The following NOTCH3 variants were observed in gnomAD, a reference collection of about 807,000 sequenced individuals.
NOTCH3 encodes notch receptor 3.
A neutral mutation model predicts 213.3 loss-of-function variants in NOTCH3; 86 were observed. The observed-to-expected ratio is 0.40, with a 90% CI of 0.34 to 0.48. NOTCH3 has a LOEUF of 0.48. NOTCH3 is among the 20% of genes least tolerant of loss of function. The pLI is 0.57. For missense variants in NOTCH3, 2,783 were observed against 3,272.6 expected, an observed-to-expected ratio of 0.85 and a Z score of 3.65; for synonymous variants, 1,354 against 1,355.9, an observed-to-expected ratio of 1.00 and a Z score of 0.03.
At chr19:15,180,596 C>T in intron 19 of NOTCH3, 85 bp downstream of exon 19, 2 of 1,468,790 alleles carry the variant, frequency 1.4e-6, no homozygotes. Context: ...CTCTGTGGCA[C>T]CCCCATTCGG....
At chr19:15,169,223 T>C (rs1057096800) in intron 28 of NOTCH3, among the ~76,000 whole-genome samples, 10 of 87,356 alleles carry the variant, frequency 1.1e-4, no homozygotes, top group African/African-American at 4.4e-4. Flanking sequence ...TCTCTCTCTC[T>C]CTCTCTCCCC....
At position 15,160,000 on chromosome 19, in the gene NOTCH3, G is replaced by A. The variant is rs1010033771; in HGVS notation, c.*662C>T. ...AAGGCTATGGAACATGTCCCATCTG[G>A]AATGCAGTGAAGTGAGGGAGGTGGG... On this transcript the variant is annotated 3_prime_UTR_variant, in exon 33 of 33. Transcript: ENST00000263388. The A allele has an allele frequency of 1.3e-5, 3 of 232,930 alleles. No homozygotes were observed. The highest frequency in any genetic ancestry group is 6.6e-5 in the African/African-American group (3 of 45,288). 14.4% of individuals were successfully genotyped at this position (232,930 alleles called of 1,614,324 possible).
At chr19:15,197,441 G>GGGCCCCCCCCCCC in intron 2 of NOTCH3, 59 bp downstream of exon 2, 7 of 768,356 alleles carry the variant, frequency 9.1e-6, no homozygotes, top group Middle Eastern at 2.8e-4. Context: ...AAGACAAATC[G>GGGCCCCCCCCCCC]CCCCTCCCCC....
At chr19:15,178,477 C>A (rs2046811002) in intron 23 of NOTCH3, 2 of 444,742 alleles carry the variant, frequency 4.5e-6, no homozygotes, top group Non-Finnish European at 8.4e-6. Context: ...CTCCGCCTCC[C>A]GGGTTCAAGT....
intron 1 of NOTCH3, among the ~76,000 whole-genome samples, chr19:15,199,146 T>G (rs1339878000): frequency 1.3e-5 from 2 of 152,218 alleles, no homozygotes; most frequent in East Asian, 3.8e-4. Context: ...GAGCCACATG[T>G]GTGTGCGTGC....
Position 15,160,924 on chromosome 19 carries a change from A to G in NOTCH3, c.6704T>C (p.Phe2235Ser). 1 of 1,605,428 alleles carries G rather than the reference A, an allele frequency of 6.2e-7. No homozygotes were observed. Among genetic ancestry groups the G allele is most frequent in the South Asian group, 1.1e-5 (1 of 90,528 alleles). Residue 2235 changes from phenylalanine (F) to serine (S), a missense_variant, in exon 33 of 33, where the codon TTC (phenylalanine) becomes TCC (serine). Around this residue, in one of 6 missense-constraint regions of NOTCH3, gnomAD observed 441 missense variants for 432.1 expected, o/e 1.02. Coordinates refer to ENST00000263388, the MANE Select transcript of NOTCH3 (RefSeq NM_000435.3). ...AGGGTGCTCACTGGGAACCCGCAGG[A>G]AGCGGGCCTTTGGGGGGCTGCTGTG... ...GAHSSPPKAR[F>S]LRVPSEHPYL...
At chr19:15,176,981 A>G (rs1599377792) in intron 24 of NOTCH3, among the ~76,000 whole-genome samples, 2 of 149,708 alleles carry the variant, frequency 1.3e-5, no homozygotes, top group Admixed American at 6.7e-5. Flanking sequence ...CTGAGGCAGG[A>G]GAATCGCTTG....
intron 24 of NOTCH3, among the ~76,000 whole-genome samples, chr19:15,177,251 G>GA (rs1555727291): frequency 5.3e-3 from 614 of 116,004 alleles, no homozygotes; most frequent in Middle Eastern, 0.016. Flanking sequence ...TCCATCTCGG[G>GA]AAAAAAAAAA....
intron 28 of NOTCH3, among the ~76,000 whole-genome samples, chr19:15,169,141 A>T (rs1328702716): frequency 2.6e-5 from 4 of 151,676 alleles, no homozygotes; most frequent in Non-Finnish European, 5.9e-5. Flanking sequence ...ACCCTAATCC[A>T]ATAGGATTGG....
chr19:15,165,886 C>T lies in NOTCH3; in HGVS notation c.5568G>A (p.Lys1856=). 2 of 1,614,100 alleles carry T rather than the reference C, an allele frequency of 1.2e-6. No individual in the cohort carries two copies. The highest frequency in any genetic ancestry group is 1.7e-6 in the Non-Finnish European group (2 of 1,179,978). Reference sequence around the variant, plus strand: ...TGTCTGCCCCAGCATCCAGCAGCCGCTTGGCTGCATCAGCACGGGCATAAC... The same window carrying T: ...TGTCTGCCCCAGCATCCAGCAGCCGTTTGGCTGCATCAGCACGGGCATAAC... ...AARYARADAA[K]RLLDAGADTN... The change falls in exon 30 of 33, where the codon AAG becomes AAA. Residue 1856 remains lysine (K), a synonymous_variant. Transcript: ENST00000263388. This position sits in a 1 kb window ranked among gnomAD's most constrained non-coding sequence, Gnocchi z 4.7.
chr19:15,185,675 G>T lies in NOTCH3; in HGVS notation c.1956C>A (p.Pro652=). 6.2e-7 allele frequency: 1 copy of T among 1,613,112 alleles called. No individual in the cohort carries two copies. The highest frequency in any genetic ancestry group is 8.5e-7 in the Non-Finnish European group (1 of 1,179,996). ...ACTCATTGATCTCCACGTTACAAAG[G>T]GGCCCTGGGGAGTACACAAGCAATC... is the stretch of plus-strand genomic sequence containing the variant. ...DCVCQPGFTG[P]LCNVEINECA... is the part of the protein sequence containing the mutation. Residue 652 remains proline (P), a synonymous_variant, in exon 13 of 33, where the codon CCC becomes CCA. Transcript: ENST00000263388. The surrounding 1 kb of genome is among the most constrained non-coding windows in gnomAD (Gnocchi z 4.2).
rs142778401 is a variant in NOTCH3, at chr19:15,192,103, C to A, written c.536G>T (p.Gly179Val). 5.8e-5 allele frequency: 94 copies of A among 1,613,152 alleles called. No homozygotes were observed. The African/African-American group carries it at 1.2e-3, about 21-fold the overall frequency. The change falls in exon 4 of 33, where the codon GGC (glycine) becomes GTC (valine). Residue 179 changes from glycine to valine, a missense_variant. This residue lies in a region of NOTCH3 where 708 missense variants were observed against 906.6 expected (regional missense o/e 0.78). Transcript: ENST00000263388. The part of the protein sequence containing the change: ...RHGGTCLNTP[G>V]SFRCQCPAGY... Reference sequence around the variant, plus strand: ...AGCTGGACACTGGCAGCGGAAGGAGCCAGGTGTGTTGAGGCAGGTGCCACC... The same window carrying A: ...AGCTGGACACTGGCAGCGGAAGGAGACAGGTGTGTTGAGGCAGGTGCCACC...
chr19:15,180,052 C>G lies in NOTCH3; in HGVS notation c.3327+20G>C. ...AGCATGCCCACCTCCTCTTCCCTCT[C>G]CTGGGGAGCGCCCCCTTACCTCACA... On this transcript the variant is annotated intron_variant, in intron 20 of 32. Coordinates refer to ENST00000263388, the MANE Select transcript of NOTCH3 (RefSeq NM_000435.3). The G allele has an allele frequency of 6.4e-7, 1 of 1,571,970 alleles. No individual in the cohort carries two copies.
intron 31 of NOTCH3, among the ~76,000 whole-genome samples, chr19:15,163,538 T>C (rs896362016): frequency 4.6e-5 from 7 of 152,150 alleles, no homozygotes; most frequent in African/African-American, 1.7e-4. Context: ...ATGATCAAAA[T>C]TGAAACTTTT....
At chr19:15,180,600 C>T in intron 19 of NOTCH3, 81 bp downstream of exon 19, 1 of 1,482,852 alleles carries the variant, frequency 6.7e-7, no homozygotes, top group Non-Finnish European at 9.1e-7. Flanking sequence ...GTGGCACCCC[C>T]ATTCGGCTCA....
chr19:15,192,398 G>C lies in NOTCH3; in HGVS notation c.319C>G (p.Arg107Gly), dbSNP rs768965053. 4 of 1,612,906 alleles carry C rather than the reference G, an allele frequency of 2.5e-6. No homozygotes were observed. Among genetic ancestry groups the C allele is most frequent in the South Asian group, 1.1e-5 (1 of 91,072 alleles). ...TCACCTCGGAAGCCACGGGGGCACC[G>C]GCATGAGAATCGGGCGGTGCCAGCC... ...VVAGTARFSC[R>G]CPRGFRGPDC... Residue 107 changes from arginine to glycine, a missense_variant, in exon 3 of 33, where the codon CGG becomes GGG. By Grantham distance (125) the Arg-to-Gly change is moderately radical. Transcript: ENST00000263388.
At position 15,192,024 on chromosome 19, in the gene NOTCH3, T is replaced by C. The variant is rs1305679321; in HGVS notation, c.615A>G (p.Pro205=). Residue 205 remains proline, a synonymous_variant, in exon 4 of 33, where the codon CCA becomes CCG. Transcript: ENST00000263388. ...ENPAVPCAPS[P]CRNGGTCRQS... is the part of the protein sequence containing the mutation. ...GCCTGCAGGTGCCCCCGTTACGGCA[T>C]GGTGAGGGTGCACAGGGCACCGCGG... 1.2e-6 allele frequency: 2 copies of C among 1,613,184 alleles called. No individual in the cohort carries two copies. The highest frequency in any genetic ancestry group is 1.7e-6 in the Non-Finnish European group (2 of 1,179,952).
intron 1 of NOTCH3, among the ~76,000 whole-genome samples, chr19:15,199,028 C>G (rs2046990802): frequency 6.6e-6 from 1 of 152,184 alleles, no homozygotes; most frequent in South Asian, 2.1e-4. Context: ...CCTCACAGGA[C>G]AAGCCGACTG....
In NOTCH3 at chr19:15,192,228, C is replaced by A; in HGVS notation, c.411G>T (p.Gly137=). The A allele has an allele frequency of 1.9e-6, 3 of 1,607,406 alleles. No individual in the cohort carries two copies. The highest frequency in any genetic ancestry group is 2.5e-6 in the Non-Finnish European group (3 of 1,177,538). The change falls in exon 4 of 33, where the codon GGG becomes GGT. Residue 137 remains glycine (G), a synonymous_variant. Transcript: ENST00000263388. ...AGGAGCAGAGGAAGCGTCCATCGGGCCCCACTGAGCAGCGGGCACCGTGGG... is the reference window on the plus strand; with the variant it reads ...AGGAGCAGAGGAAGCGTCCATCGGGACCCACTGAGCAGCGGGCACCGTGGG... ...PCAHGARCSV[G]PDGRFLCSCP...
Sources: gnomAD v4.1 joint callset for allele counts (sites outside exome capture counted in the v4.1 genomes callset) on GRCh38, gnomAD v4.1.1 for gene constraint, gnomAD v4.1.1 regional missense constraint, Gnocchi (gnomAD v3.1) non-coding constraint, MANE v1.5 for transcripts, NCBI Gene and HGNC (gene_info 2026-07-23, HGNC 2026-07-21) for gene names.